The following SLC13A2 variants were observed in gnomAD, a reference collection of about 807,000 sequenced individuals.
SLC13A2 encodes the protein solute carrier family 13 member 2, also known as Na(+)-coupled citrate transporter.
Under a neutral mutation model 58.5 loss-of-function variants are expected in SLC13A2, and 40 were observed. That is an observed-to-expected ratio of 0.68 (90% CI 0.53 to 0.89). The LOEUF (loss-of-function observed/expected upper bound fraction) is 0.89, where lower values mean the gene tolerates loss of function less well. Among genes scored for constraint, SLC13A2 ranks in the 40% least tolerant of loss-of-function variants. The pLI is 0.00. For synonymous variants in SLC13A2, 341 were observed against 331.6 expected (o/e 1.03, Z -0.31); for missense variants, 694 against 772.6 (o/e 0.90, Z 1.21).
At chr17:28,474,285 GAA>G (rs765421317) in intron 1 of SLC13A2, among the ~76,000 whole-genome samples, 6 of 152,052 alleles carry the variant, frequency 3.9e-5, no homozygotes, top group Admixed American at 6.6e-5. Context: ...AACAGGAAGA[GAA>G]AGAGTTCACC....
chr17:28,479,287 G>A (rs782616509), intron 1 of SLC13A2, among the ~76,000 whole-genome samples: 4 of 152,200 alleles, frequency 2.6e-5, no homozygotes, highest in Non-Finnish European at 4.4e-5. Context: ...AGCAGTAAGT[G>A]CAAAGGCCTG....
chr17:28,487,046 C>T (rs1164963415), intron 1 of SLC13A2, among the ~76,000 whole-genome samples: 1 of 152,212 alleles, frequency 6.6e-6, no homozygotes, highest in Non-Finnish European at 1.5e-5. Flanking sequence ...GATCAGCCCC[C>T]CACGGCCTCC....
intron 1 of SLC13A2, among the ~76,000 whole-genome samples, chr17:28,480,201 C>T (rs2068761116): frequency 6.6e-6 from 1 of 150,790 alleles, no homozygotes; most frequent in Non-Finnish European, 1.5e-5. Context: ...GGCATGGTGG[C>T]GCGTGCCTGT....
At position 28,490,833 on chromosome 17, in the gene SLC13A2, C is replaced by T. The variant is rs192486018; in HGVS notation, c.501C>T (p.Asn167=). ...TGCACAGCTCGCAAGCCAGCAGCAA[C>T]GTCGAGGAGGGCAGCAACAACCCCA... The part of the protein sequence containing the change: ...DQLHSSQASS[N]VEEGSNNPTF... Residue 167 remains asparagine, a synonymous_variant, in exon 4 of 12, where the codon AAC becomes AAT. Coordinates refer to ENST00000314669, the MANE Select transcript of SLC13A2 (RefSeq NM_003984.4). 49 of 1,614,112 alleles carry T rather than the reference C, an allele frequency of 3.0e-5. No homozygotes were observed. Among genetic ancestry groups the T allele is most frequent in the African/African-American group, 2.9e-4 (22 of 75,032 alleles).
intron 1 of SLC13A2, among the ~76,000 whole-genome samples, chr17:28,478,223 C>T (rs2151444303): frequency 6.6e-6 from 1 of 152,308 alleles, no homozygotes; most frequent in East Asian, 1.9e-4. Flanking sequence ...GCCTGAGGCT[C>T]CCTGGGAGGC....
chr17:28,497,013 G>A, intron 11 of SLC13A2, 86 bp from the exon 12 acceptor site: 1 of 1,414,544 alleles, frequency 7.1e-7, no homozygotes, highest in Non-Finnish European at 9.8e-7. Context: ...CTGGTAGGAG[G>A]GCTCCTGTGC....
intron 10 of SLC13A2, 111 bp downstream of exon 10, chr17:28,495,927 C>T (rs2069133749): frequency 5.3e-6 from 7 of 1,323,944 alleles, no homozygotes; most frequent in East Asian, 4.7e-5. Flanking sequence ...TTTTCCTTTT[C>T]CTGAAGAGGA....
intron 1 of SLC13A2, among the ~76,000 whole-genome samples, chr17:28,478,689 TG>T (rs1555600523): frequency 6.6e-6 from 1 of 152,102 alleles, no homozygotes; most frequent in African/African-American, 2.4e-5. Flanking sequence ...TCCCAGCAGA[TG>T]GGGAACAGGA....
chr17:28,491,644 G>A, intron 5 of SLC13A2, 27 bp downstream of exon 5: 2 of 1,609,920 alleles, frequency 1.2e-6, no homozygotes, highest in Admixed American at 3.3e-5. Context: ...GGGCCACCTT[G>A]GGGGATCTGC....
chr17:28,497,457 GGTGTGTGCATGT>G lies in SLC13A2; in HGVS notation c.*197_*208del. On this transcript the variant is annotated 3_prime_UTR_variant, in exon 12 of 12. Coordinates refer to ENST00000314669, the MANE Select transcript of SLC13A2 (RefSeq NM_003984.4). ...CAGTTTCCTATGTGCTGGAATAAAA[GGTGTGTGCATGT>G]GTGTGTGCGCATATGTGTGCGCCTG... 7.7e-6 allele frequency: 5 copies of G among 652,620 alleles called. No individual in the cohort carries two copies. In the East Asian group the frequency reaches 1.4e-4, roughly 18 times the overall value. The allele number at this position is 652,620 out of a possible 1,614,324, so 40.4% of individuals were successfully genotyped here. A position where few individuals can be genotyped will look rare whatever the true frequency, so the allele number is the denominator to read the frequency against.
Position 28,497,492 on chromosome 17 carries a change from C to A in SLC13A2, c.*223C>A, listed in dbSNP as rs2069171908. 3.5e-6 allele frequency: 2 copies of A among 566,018 alleles called. No homozygotes were observed. Among genetic ancestry groups the A allele is most frequent in the Non-Finnish European group, 6.2e-6 (2 of 321,718 alleles). 35.1% of individuals were successfully genotyped at this position (566,018 alleles called of 1,614,324 possible). ...TGTGTGTGTGCGCATATGTGTGCGCCTGCATGGATGTGAGGGGTGTGTGAC... is the reference window on the plus strand; with the variant it reads ...TGTGTGTGTGCGCATATGTGTGCGCATGCATGGATGTGAGGGGTGTGTGAC... On this transcript the variant is annotated 3_prime_UTR_variant, in exon 12 of 12. Transcript: ENST00000314669.
In SLC13A2 at chr17:28,491,626, C is replaced by T. The variant is rs2151459803; in HGVS notation, c.755+9C>T. ...CAAGGCCAGATCAACTCGTGAGTGA[C>T]AAGGGGTGGGCCACCTTGGGGGATC... On this transcript the variant is annotated intron_variant, in intron 5 of 11. Transcript: ENST00000314669. The T allele has an allele frequency of 6.2e-7, 1 of 1,611,442 alleles. No individual in the cohort carries two copies. Among genetic ancestry groups the T allele is most frequent in the Non-Finnish European group, 8.5e-7 (1 of 1,178,234 alleles).
At chr17:28,492,562 A>G (rs1444451991) in intron 6 of SLC13A2, among the ~76,000 whole-genome samples, 1 of 152,240 alleles carries the variant, frequency 6.6e-6, no homozygotes, top group Non-Finnish European at 1.5e-5. Flanking sequence ...AAACACAAAC[A>G]GCAAAAAGGA....
chr17:28,486,802 T>C (rs1177122804), intron 1 of SLC13A2, among the ~76,000 whole-genome samples: 1 of 151,288 alleles, frequency 6.6e-6, no homozygotes, highest in South Asian at 2.1e-4. Context: ...TTTTTTTTTT[T>C]TTTTTTTTTG....
rs1346884862 is a variant in SLC13A2 at position 28,491,801 on chromosome 17, T to A, written c.827T>A (p.Ile276Asn). ...AGCTTCGCCTTCCCCACCATGGTCA[T>A]CTTGCTGCTGCTGGCCTGGTTGTGG... is the stretch of plus-strand genomic sequence containing the variant. ...WFSFAFPTMV[I>N]LLLLAWLWLQ... is the part of the protein sequence containing the mutation. The change falls in exon 6 of 12, where the codon ATC (isoleucine) becomes AAC (asparagine). Residue 276 changes from isoleucine (I) to asparagine (N), a missense_variant. Coordinates refer to ENST00000314669, the MANE Select transcript of SLC13A2 (RefSeq NM_003984.4). The A allele has an allele frequency of 6.8e-6, 11 of 1,614,058 alleles. 1 individual carries two copies. Among genetic ancestry groups the A allele is most frequent in the Non-Finnish European group, 8.5e-6 (10 of 1,180,020 alleles).
At chr17:28,484,518 T>G (rs1555601677) in intron 1 of SLC13A2, among the ~76,000 whole-genome samples, 1 of 152,076 alleles carries the variant, frequency 6.6e-6, no homozygotes, top group African/African-American at 2.4e-5. Context: ...AACTCTAAAC[T>G]TAGGTTCCTG....
chr17:28,480,341 A>G (rs2068762715), intron 1 of SLC13A2, among the ~76,000 whole-genome samples: 1 of 152,118 alleles, frequency 6.6e-6, no homozygotes, highest in Non-Finnish European at 1.5e-5. Flanking sequence ...CAAAAAAAAA[A>G]TCTGTGTAGT....
chr17:28,474,062 AC>A (rs2068630955), intron 1 of SLC13A2, among the ~76,000 whole-genome samples: 1 of 152,156 alleles, frequency 6.6e-6, no homozygotes, highest in African/African-American at 2.4e-5. Flanking sequence ...GCCCTAGGAA[AC>A]AGGAAACCAG....
In SLC13A2 at chr17:28,494,255, T is replaced by C; in HGVS notation, c.1187-136T>C. On this transcript the variant is annotated intron_variant, in intron 8 of 11. Coordinates refer to ENST00000314669, the MANE Select transcript of SLC13A2 (RefSeq NM_003984.4). This position sits in a 1 kb window ranked among gnomAD's most constrained non-coding sequence, Gnocchi z 4.0. ...GGGCACAGGGACTCGGAGACAAAGT[T>C]GAGATGTTGCAGAACTGAGGGTCCC... 1 of 1,532,426 alleles carries C rather than the reference T, an allele frequency of 6.5e-7. No homozygotes were observed. 94.9% of individuals were successfully genotyped at this position (1,532,426 alleles called of 1,614,324 possible).
Sources: allele counts gnomAD v4.1 joint callset (sites outside exome capture counted in the v4.1 genomes callset), GRCh38; gene constraint gnomAD v4.1.1; non-coding constraint Gnocchi (gnomAD v3.1); transcripts MANE v1.5; gene names NCBI Gene and HGNC (gene_info 2026-07-23, HGNC 2026-07-21).